The following DLGAP1 variants were observed in gnomAD, a reference collection of about 807,000 sequenced individuals.
DLGAP1 encodes DLG associated protein 1, also known as disks large-associated protein 1.
DLGAP1 carries 11 observed loss-of-function variants against 90.8 expected under a neutral mutation model. That is an observed-to-expected ratio of 0.12 (90% confidence interval 0.08 to 0.20). DLGAP1 has a LOEUF of 0.20. Among genes scored for constraint, DLGAP1 ranks in the 10% least tolerant of loss-of-function variants. The probability of loss-of-function intolerance (pLI) is 1.00; values close to 1 mark genes in which losing one functional copy is unlikely to be tolerated. For missense variants in DLGAP1, 1,050 were observed against 1,333.8 expected, an observed-to-expected ratio of 0.79 and a Z score of 3.31; for synonymous variants, 558 against 540.7, an observed-to-expected ratio of 1.03 and a Z score of -0.44.
intron 4 of DLGAP1, among the ~76,000 whole-genome samples, chr18:3,817,219 T>C (rs550426559): frequency 4.5e-4 from 68 of 152,348 alleles, no homozygotes; most frequent in Non-Finnish European, 6.9e-4. Context: ...AATGACAAAC[T>C]GATTAGCTCA....
intron 3 of DLGAP1, among the ~76,000 whole-genome samples, chr18:3,919,949 A>G (rs1464705829): frequency 6.6e-6 from 1 of 152,222 alleles, no homozygotes; most frequent in African/African-American, 2.4e-5. Context: ...CTGGGAGACT[A>G]CAGTCATCTC....
At chr18:3,891,246 C>A (rs2071450271) in intron 3 of DLGAP1, among the ~76,000 whole-genome samples, 1 of 152,174 alleles carries the variant, frequency 6.6e-6, no homozygotes, top group African/African-American at 2.4e-5. Context: ...TCCTCCCTTG[C>A]CAGCCTAGGA....
chr18:3,629,400 G>A (rs1283795696), intron 7 of DLGAP1, among the ~76,000 whole-genome samples: 1 of 151,734 alleles, frequency 6.6e-6, no homozygotes, highest in African/African-American at 2.4e-5. Context: ...GGCTGGGCGC[G>A]GTGGCTCAAC....
chr18:4,328,939 A>C (rs968874967), intron 1 of DLGAP1, among the ~76,000 whole-genome samples: 7 of 151,932 alleles, frequency 4.6e-5, no homozygotes, highest in African/African-American at 1.7e-4. Context: ...CTAGATATAA[A>C]TTTCTTATCA....
rs1599349235 is a variant in DLGAP1, at chr18:3,580,253, A to G, written c.1965+1622T>C. 1.1e-5 allele frequency: 17 copies of G among 1,602,468 alleles called. No homozygotes were observed. The East Asian group carries it at 3.8e-4, about 36-fold the overall frequency. On this transcript the variant is annotated intron_variant, in intron 8 of 12. Transcript: ENST00000315677. Reference sequence around the variant, plus strand: ...GGTGAACCATCTGAAAAGACCAGTCAGTGGAGTGGGGGACGCTCCAGGCAC... The same window carrying G: ...GGTGAACCATCTGAAAAGACCAGTCGGTGGAGTGGGGGACGCTCCAGGCAC...
At chr18:4,354,065 T>C (rs979168087) in intron 1 of DLGAP1, among the ~76,000 whole-genome samples, 7 of 152,298 alleles carry the variant, frequency 4.6e-5, no homozygotes, top group African/African-American at 1.4e-4. Flanking sequence ...GGAGTCTCTG[T>C]GACTCGCACA....
At chr18:3,870,172 A>G (rs1465567925) in intron 4 of DLGAP1, among the ~76,000 whole-genome samples, 2 of 152,168 alleles carry the variant, frequency 1.3e-5, no homozygotes, top group Admixed American at 1.3e-4. Context: ...ATATCTATGA[A>G]ATCGGAATCT....
In DLGAP1 at chr18:4,208,807, G is replaced by A. The variant is rs8092071; in HGVS notation, c.-266-57520C>T. 5.3e-3 allele frequency among the ~76,000 whole-genome samples: 802 copies of A among 152,052 alleles called. 10 individuals carry two copies. The highest frequency in any genetic ancestry group is 0.018 in the African/African-American group (737 of 41,462). On this transcript the variant is annotated intron_variant, in intron 1 of 12. Transcript: ENST00000315677. ...AGGAAAAGGGAGAAGGAGAGGTTGG[G>A]GGGGTGGAGAGAGAGAGAATGAATG...
At chr18:3,720,895 A>AAAAAAAAAAG (rs1298479247) in intron 7 of DLGAP1, among the ~76,000 whole-genome samples, 8,037 of 140,404 alleles carry the variant, frequency 0.057, 769 homozygotes, top group African/African-American at 0.13. Flanking sequence ...CTACAAAAAA[A>AAAAAAAAAAG]AAAAAAAAAA....
At chr18:4,282,469 T>A (rs559157873) in intron 1 of DLGAP1, among the ~76,000 whole-genome samples, 1 of 151,924 alleles carries the variant, frequency 6.6e-6, no homozygotes, top group South Asian at 2.1e-4. Flanking sequence ...ATAACACATA[T>A]TATAATACAT....
chr18:4,096,193 T>A (rs2075675840), intron 2 of DLGAP1, among the ~76,000 whole-genome samples: 1 of 152,116 alleles, frequency 6.6e-6, no homozygotes, highest in East Asian at 1.9e-4. Flanking sequence ...GCTTGGCTAT[T>A]TTTTGTATTT....
chr18:4,438,429 C>CT (rs2083453431), intron 1 of DLGAP1, among the ~76,000 whole-genome samples: 1 of 29,204 alleles, frequency 3.4e-5, no homozygotes, highest in South Asian at 1.6e-3. Context: ...GAGACTCCAT[C>CT]TCAAAAAAAA....
chr18:3,931,977 TG>T (rs2072526975), intron 3 of DLGAP1, among the ~76,000 whole-genome samples: 1 of 152,156 alleles, frequency 6.6e-6, no homozygotes, highest in Non-Finnish European at 1.5e-5. Context: ...TGTGCACCCT[TG>T]GTTTCTCACT....
chr18:3,600,903 G>T (rs1415011624), intron 7 of DLGAP1, among the ~76,000 whole-genome samples: 19 of 60,414 alleles, frequency 3.1e-4, no homozygotes, highest in South Asian at 5.3e-4. Context: ...GATATATATA[G>T]ATATATAGAT....
intron 1 of DLGAP1, among the ~76,000 whole-genome samples, chr18:4,402,903 A>C (rs185040973): frequency 2.0e-5 from 3 of 152,276 alleles, no homozygotes; most frequent in Admixed American, 2.0e-4. Flanking sequence ...AGATTTATAG[A>C]TGTCCTTATC....
intron 7 of DLGAP1, among the ~76,000 whole-genome samples, chr18:3,584,161 A>G (rs2055738326): frequency 6.6e-6 from 1 of 152,220 alleles, no homozygotes. Context: ...TCAAAAATGA[A>G]TTAAGTTTCC....
At chr18:3,758,707 A>G (rs1171465896) in intron 5 of DLGAP1, among the ~76,000 whole-genome samples, 1 of 152,238 alleles carries the variant, frequency 6.6e-6, no homozygotes. Flanking sequence ...AACATCCAGC[A>G]TAAGCGTCAT....
At chr18:4,082,916 C>T (rs753293602) in intron 2 of DLGAP1, among the ~76,000 whole-genome samples, 1 of 152,120 alleles carries the variant, frequency 6.6e-6, no homozygotes, top group African/African-American at 2.4e-5. Flanking sequence ...GTTTAATGCT[C>T]TGCTGTAGCT....
chr18:4,334,542 T>C (rs527609533), intron 1 of DLGAP1, among the ~76,000 whole-genome samples: 2 of 151,986 alleles, frequency 1.3e-5, no homozygotes, highest in African/African-American at 2.4e-5. Flanking sequence ...CAAAAGTATT[T>C]GTAAAAATGT....
Sources: allele counts gnomAD v4.1 joint callset (sites outside exome capture counted in the v4.1 genomes callset), GRCh38; gene constraint gnomAD v4.1.1; transcripts MANE v1.5; gene names NCBI Gene and HGNC (gene_info 2026-07-23, HGNC 2026-07-21).